The following ZCCHC7 variants were observed in gnomAD, a reference collection of about 807,000 sequenced individuals.
ZCCHC7 encodes zinc finger CCHC domain-containing protein 7.
In ZCCHC7, 35 loss-of-function variants were observed where a neutral mutation model predicts 52.0. The ratio of observed to expected loss-of-function variants is 0.67; its 90% CI spans 0.51 to 0.89. The LOEUF (loss-of-function observed/expected upper bound fraction) is 0.89. Ranked by LOEUF, ZCCHC7 falls within the 40% of genes least tolerant of loss-of-function variation. ZCCHC7 has a pLI of 0.00. For missense variants in ZCCHC7, 574 were observed against 649.1 expected (o/e 0.88, Z 1.26); for synonymous variants, 217 against 221.5 (o/e 0.98, Z 0.18).
chr9:37,331,827 C>T (rs1039424035), intron 6 of ZCCHC7, among the ~76,000 whole-genome samples: 2 of 151,428 alleles, frequency 1.3e-5, no homozygotes, highest in African/African-American at 4.8e-5. Flanking sequence ...ACCCCATCCA[C>T]ACAGTAGATA....
intron 5 of ZCCHC7, 137 bp downstream of exon 5, chr9:37,305,851 AG>A: frequency 1.2e-6 from 1 of 807,916 alleles, no homozygotes; most frequent in Non-Finnish European, 1.8e-6. Context: ...ATATATATAT[AG>A]TCATGTCCAT....
chr9:37,184,252 C>T (rs536409165), intron 2 of ZCCHC7, among the ~76,000 whole-genome samples: 6 of 152,184 alleles, frequency 3.9e-5, no homozygotes, highest in Admixed American at 1.3e-4. Flanking sequence ...TTAACTGAAT[C>T]GATAGAAATC....
intron 5 of ZCCHC7, among the ~76,000 whole-genome samples, chr9:37,316,761 A>C (rs978089029): frequency 6.6e-6 from 1 of 151,982 alleles, no homozygotes; most frequent in African/African-American, 2.4e-5. Context: ...ACAAACCAAA[A>C]CTTGATGGTC....
chr9:37,195,263 T>C (rs1823231650), intron 2 of ZCCHC7, among the ~76,000 whole-genome samples: 1 of 152,156 alleles, frequency 6.6e-6, no homozygotes, highest in Admixed American at 6.5e-5. Flanking sequence ...TCATATTTTT[T>C]GTAACAGCAG....
chr9:37,181,037 G>T (rs963166415), intron 2 of ZCCHC7, among the ~76,000 whole-genome samples: 22 of 151,990 alleles, frequency 1.4e-4, no homozygotes, highest in African/African-American at 4.8e-4. Context: ...ATACATTTTT[G>T]GTATAAGTAT....
Position 37,354,734 on chromosome 9 carries a change from G to T in ZCCHC7, c.1108G>T (p.Asp370Tyr). Residue 370 changes from aspartate to tyrosine, a missense_variant, in exon 8 of 9, where the codon GAC becomes TAC. By Grantham distance (160) the Asp-to-Tyr change is radical. Transcript: ENST00000336755. The surrounding 1 kb of genome is among the most constrained non-coding windows in gnomAD (Gnocchi z 4.0). ...GHECPEREVY[D>Y]PSPVSPFICY... ...GGAATGTCCAGAAAGAGAAGTGTAT[G>T]ACCCGTCTCCAGTATCTCCATTCAT... The T allele has an allele frequency of 6.2e-7, 1 of 1,612,168 alleles. No individual in the cohort carries two copies. Among genetic ancestry groups the T allele is most frequent in the South Asian group, 1.1e-5 (1 of 90,994 alleles).
chr9:37,242,825 C>A (rs373227872), intron 2 of ZCCHC7, among the ~76,000 whole-genome samples: 9 of 151,870 alleles, frequency 5.9e-5, no homozygotes, highest in African/African-American at 2.2e-4. Flanking sequence ...TTTACATACG[C>A]TTAAACAAAA....
At chr9:37,291,340 T>C (rs1328337896) in intron 2 of ZCCHC7, among the ~76,000 whole-genome samples, 3 of 151,830 alleles carry the variant, frequency 2.0e-5, no homozygotes, top group Non-Finnish European at 4.4e-5. Context: ...CAAGAACTGA[T>C]AAGTGAATGA....
intron 2 of ZCCHC7, among the ~76,000 whole-genome samples, chr9:37,186,143 A>C (rs2133074144): frequency 6.6e-6 from 1 of 152,092 alleles, no homozygotes; most frequent in African/African-American, 2.4e-5. Context: ...GTTTGCTATA[A>C]TTTTTTCAGA....
intron 2 of ZCCHC7, chr9:37,186,743 A>G (rs1027441034): frequency 1.4e-5 from 8 of 580,472 alleles, no homozygotes; most frequent in Admixed American, 8.2e-5. Flanking sequence ...AACTAACAAG[A>G]TGAATTAAAG....
At chr9:37,316,167 C>A (rs1829811209) in intron 5 of ZCCHC7, among the ~76,000 whole-genome samples, 1 of 152,034 alleles carries the variant, frequency 6.6e-6, no homozygotes, top group Admixed American at 6.5e-5. Flanking sequence ...TCAAGTGATT[C>A]TCCTGCCTCA....
chr9:37,336,975 T>C (rs1355805134), intron 6 of ZCCHC7, among the ~76,000 whole-genome samples: 3 of 152,152 alleles, frequency 2.0e-5, no homozygotes, highest in Non-Finnish European at 4.4e-5. Context: ...CCGCATGCTA[T>C]GAATGGCAGC....
intron 2 of ZCCHC7, among the ~76,000 whole-genome samples, chr9:37,248,938 C>A (rs1826196110): frequency 6.6e-6 from 1 of 152,166 alleles, no homozygotes; most frequent in Non-Finnish European, 1.5e-5. Flanking sequence ...ATTCTTAGAA[C>A]AATCTGTCAT....
intron 2 of ZCCHC7, among the ~76,000 whole-genome samples, chr9:37,158,473 G>A (rs1168970781): frequency 2.6e-5 from 4 of 152,204 alleles, no homozygotes; most frequent in Non-Finnish European, 5.9e-5. Context: ...GGATGATGTG[G>A]GAACAGTGTG....
intron 2 of ZCCHC7, among the ~76,000 whole-genome samples, chr9:37,138,580 T>C (rs1436660816): frequency 2.0e-5 from 3 of 152,128 alleles, no homozygotes; most frequent in South Asian, 4.1e-4. Flanking sequence ...GATCTTCATG[T>C]AAGATATACT....
intron 2 of ZCCHC7, chr9:37,205,423 G>A (rs914667658): frequency 6.3e-6 from 1 of 159,688 alleles, no homozygotes; most frequent in East Asian, 1.8e-4. Flanking sequence ...AAAACAACTA[G>A]TATACTTTAA....
chr9:37,296,382 G>T (rs1828783100), intron 2 of ZCCHC7, among the ~76,000 whole-genome samples: 1 of 152,180 alleles, frequency 6.6e-6, no homozygotes, highest in African/African-American at 2.4e-5. Flanking sequence ...AAGTTAACTG[G>T]TGGGAGAGTT....
At chr9:37,200,437 C>T (rs955042531) in intron 2 of ZCCHC7, among the ~76,000 whole-genome samples, 1 of 152,208 alleles carries the variant, frequency 6.6e-6, no homozygotes, top group African/African-American at 2.4e-5. Context: ...TTACCCATAA[C>T]AAATCTTAAA....
At chr9:37,129,499 T>G (rs13285624) in intron 2 of ZCCHC7, among the ~76,000 whole-genome samples, 49,175 of 152,094 alleles carry the variant, frequency 0.32, 8,269 homozygotes, top group Middle Eastern at 0.41. Context: ...TTTAAGTGTG[T>G]TGTTACTCTG....
Sources: allele counts gnomAD v4.1 joint callset (sites outside exome capture counted in the v4.1 genomes callset), GRCh38; gene constraint gnomAD v4.1.1; non-coding constraint Gnocchi (gnomAD v3.1); transcripts MANE v1.5; gene names NCBI Gene and HGNC (gene_info 2026-07-23, HGNC 2026-07-21).